CAMK4: variants seen among roughly 807,000 people sequenced by gnomAD.
The protein encoded by CAMK4 is calcium/calmodulin-dependent protein kinase type IV.
Under a neutral mutation model 44.9 loss-of-function variants are expected in CAMK4, and 22 were observed. That is an observed-to-expected ratio of 0.49 (90% CI 0.35 to 0.70). CAMK4 has a LOEUF of 0.70. Among genes scored for constraint, CAMK4 ranks in the 30% least tolerant of loss-of-function variants. The probability of loss-of-function intolerance (pLI) is 0.01; values close to 1 mark genes in which losing one functional copy is unlikely to be tolerated. For synonymous variants in CAMK4, 218 were observed against 215.4 expected (o/e 1.01, Z -0.11); for missense variants, 498 against 586.8 (o/e 0.85, Z 1.56).
intron 4 of CAMK4, among the ~76,000 whole-genome samples, chr5:111,378,322 C>T (rs1247115783): frequency 6.6e-6 from 1 of 152,142 alleles, no homozygotes. Context: ...ATGTATAAGA[C>T]ACACAGGTTA....
At chr5:111,333,682 G>A (rs534137659) in intron 1 of CAMK4, among the ~76,000 whole-genome samples, 2 of 151,742 alleles carry the variant, frequency 1.3e-5, no homozygotes, top group African/African-American at 2.4e-5. Context: ...TAGGTCCAAA[G>A]TCACAACTGG....
chr5:111,352,637 CAGAGAGAGAGAGAGAG>C (rs70973603), intron 2 of CAMK4, among the ~76,000 whole-genome samples: 1 of 109,104 alleles, frequency 9.2e-6, no homozygotes, highest in Admixed American at 1.0e-4. Flanking sequence ...GGCAGAATAG[CAGAGAGAGAGAGAGAG>C]AGAGAGAGAG....
At chr5:111,483,105 C>T (rs1755489105) in intron 10 of CAMK4, among the ~76,000 whole-genome samples, 168 bp downstream of exon 10, 1 of 152,098 alleles carries the variant, frequency 6.6e-6, no homozygotes, top group Non-Finnish European at 1.5e-5. Flanking sequence ...CACAAAGCTA[C>T]TTAAGTTTTC....
rs1310420806 is a variant in CAMK4, at chr5:111,284,549, A to T, written c.162-59475A>T. On this transcript the variant is annotated intron_variant, in intron 1 of 10. Transcript: ENST00000282356. ...CTTGTCTGGCTCTGGGCGGATCACC[A>T]GCCTCAGATAGTCTCTCTTGCTCTA... 9.2e-5 allele frequency among the ~76,000 whole-genome samples: 14 copies of T among 152,148 alleles called. 1 individual carries two copies. Among genetic ancestry groups the T allele is most frequent in the Admixed American group, 7.9e-4 (12 of 15,272 alleles).
At chr5:111,268,955 A>G (rs1750380465) in intron 1 of CAMK4, among the ~76,000 whole-genome samples, 1 of 152,248 alleles carries the variant, frequency 6.6e-6, no homozygotes. Context: ...GTGACCTACA[A>G]ATAATGAAAA....
intron 1 of CAMK4, among the ~76,000 whole-genome samples, chr5:111,321,519 C>G (rs569935544): frequency 9.6e-5 from 14 of 145,230 alleles, no homozygotes; most frequent in African/African-American, 3.5e-4. Context: ...ATGTCACTGA[C>G]AAGCCTAAGT....
chr5:111,380,285 C>A (rs417794), intron 4 of CAMK4, among the ~76,000 whole-genome samples: 133,361 of 151,720 alleles, frequency 0.88, 58,828 homozygotes, highest in East Asian at 1. Flanking sequence ...ATTTTGTAAA[C>A]ATTGTCATGG....
intron 1 of CAMK4, among the ~76,000 whole-genome samples, chr5:111,233,374 A>G (rs189009231): frequency 9.2e-5 from 14 of 152,260 alleles, no homozygotes; most frequent in East Asian, 3.9e-4. Context: ...GTTCTTACCA[A>G]TGTAACATGT....
At chr5:111,330,829 G>A (rs1485032307) in intron 1 of CAMK4, among the ~76,000 whole-genome samples, 1 of 151,660 alleles carries the variant, frequency 6.6e-6, no homozygotes, top group African/African-American at 2.4e-5. Context: ...TAGATCAATA[G>A]TTAGTTGATT....
intron 5 of CAMK4, among the ~76,000 whole-genome samples, chr5:111,423,250 A>C (rs577311021): frequency 1.3e-5 from 2 of 152,348 alleles, no homozygotes; most frequent in East Asian, 1.9e-4. Context: ...TTTCCATGGA[A>C]AATAATGGCT....
Position 111,494,492 on chromosome 5 carries a change from A to G in CAMK4, c.*10026A>G, listed in dbSNP as rs1396159011. On this transcript the variant is annotated 3_prime_UTR_variant, in exon 11 of 11. Transcript: ENST00000282356. ...TGTTGTAGAGCTACAGTATTCTTCAATGGTGGTGACTGACCAGTGAGTTTC... is the reference window on the plus strand; with the variant it reads ...TGTTGTAGAGCTACAGTATTCTTCAGTGGTGGTGACTGACCAGTGAGTTTC... 6.6e-6 allele frequency: 1 copy of G among 152,150 alleles called. No homozygotes were observed. Among genetic ancestry groups the G allele is most frequent in the South Asian group, 2.1e-4 (1 of 4,832 alleles). The allele number at this position is 152,150 out of a possible 1,614,324, so 9.4% of individuals were successfully genotyped here. A position where few individuals can be genotyped will look rare whatever the true frequency, so the allele number is the denominator to read the frequency against.
intron 7 of CAMK4, chr5:111,449,820 C>T (rs978920554): frequency 6.6e-6 from 1 of 152,260 alleles, no homozygotes; most frequent in Non-Finnish European, 1.5e-5. Flanking sequence ...ATAAAACCTG[C>T]TCTGTTTTTC....
intron 5 of CAMK4, among the ~76,000 whole-genome samples, chr5:111,420,905 G>C (rs963211871): frequency 6.6e-6 from 1 of 152,102 alleles, no homozygotes; most frequent in Admixed American, 6.6e-5. Flanking sequence ...TGTACAGTTT[G>C]TGCAGTTAAT....
intron 1 of CAMK4, among the ~76,000 whole-genome samples, chr5:111,274,259 CCT>C (rs910949502): frequency 2.8e-4 from 42 of 152,086 alleles, no homozygotes; most frequent in African/African-American, 6.8e-4. Context: ...ATTCATTCTC[CCT>C]CTCTGTTTCC....
intron 5 of CAMK4, among the ~76,000 whole-genome samples, chr5:111,396,583 G>A (rs1391514872): frequency 7.3e-6 from 1 of 137,542 alleles, no homozygotes; most frequent in East Asian, 2.2e-4. Flanking sequence ...TTGCTGGCAT[G>A]CTTTAAAAAA....
rs1380966823 is a variant in CAMK4 at position 111,491,057 on chromosome 5, C to G, written c.*6591C>G. 1 of 152,186 alleles carries G rather than the reference C, an allele frequency of 6.6e-6. No homozygotes were observed. The highest frequency in any genetic ancestry group is 1.9e-4 in the East Asian group (1 of 5,198). The allele number at this position is 152,186 out of a possible 1,614,324, so 9.4% of individuals were successfully genotyped here. On this transcript the variant is annotated 3_prime_UTR_variant, in exon 11 of 11. Transcript: ENST00000282356. ...CTTGAATGTCAGTCATTCATTTTAT[C>G]TCTCGTCTTTGAGATACACACATTA...
rs190051071 is a variant in CAMK4, at chr5:111,418,639, G to A, written c.459+23857G>A. On this transcript the variant is annotated intron_variant, in intron 5 of 10. Transcript: ENST00000282356. ...CCCAGAGTGTGATGTTCCCCTTCCTGTGTCCATGTGTTCTCATTGTTCAAT... is the reference window on the plus strand; with the variant it reads ...CCCAGAGTGTGATGTTCCCCTTCCTATGTCCATGTGTTCTCATTGTTCAAT... 6.7e-3 allele frequency among the ~76,000 whole-genome samples: 855 copies of A among 126,990 alleles called. 8 individuals carry two copies. The highest frequency in any genetic ancestry group is 0.024 in the African/African-American group (792 of 32,590). The allele number at this position is 126,990 out of a possible 152,430, so 83.3% of individuals were successfully genotyped here. A position where few individuals can be genotyped will look rare whatever the true frequency, so the allele number is the denominator to read the frequency against.
intron 1 of CAMK4, among the ~76,000 whole-genome samples, chr5:111,279,011 T>C (rs1750890239): frequency 6.6e-6 from 1 of 152,160 alleles, no homozygotes; most frequent in Non-Finnish European, 1.5e-5. Context: ...TATGATGGTG[T>C]ATGGCTCAAG....
chr5:111,265,371 G>C (rs1325251103), intron 1 of CAMK4, among the ~76,000 whole-genome samples: 1 of 152,100 alleles, frequency 6.6e-6, no homozygotes, highest in East Asian at 1.9e-4. Context: ...TCTTTATCTG[G>C]TCATCTGGCT....
Sources: gnomAD v4.1 joint callset for allele counts (sites outside exome capture counted in the v4.1 genomes callset) on GRCh38, gnomAD v4.1.1 for gene constraint, MANE v1.5 for transcripts, NCBI Gene and HGNC (gene_info 2026-07-23, HGNC 2026-07-21) for gene names.